The following SHROOM3 variants were observed in gnomAD, a reference collection of about 807,000 sequenced individuals.
SHROOM3 encodes the protein shroom family member 3, also known as protein Shroom3.
Under a neutral mutation model 138.6 loss-of-function variants are expected in SHROOM3, and 47 were observed. That is an observed-to-expected ratio of 0.34 (90% CI 0.27 to 0.43). The LOEUF (loss-of-function observed/expected upper bound fraction) is 0.43. Ranked by LOEUF, SHROOM3 falls within the 20% of genes least tolerant of loss-of-function variation. SHROOM3 has a pLI of 1.00. For synonymous variants in SHROOM3, 1,062 were observed against 1,063.3 expected (o/e 1.00, Z 0.02); for missense variants, 2,491 against 2,596.5 (o/e 0.96, Z 0.88).
At chr4:76,500,522 A>G (rs190923433) in intron 1 of SHROOM3, among the ~76,000 whole-genome samples, 3 of 152,258 alleles carry the variant, frequency 2.0e-5, no homozygotes, top group East Asian at 3.9e-4. Context: ...GCTTTAGTGG[A>G]TACTACCAAA....
intron 2 of SHROOM3, among the ~76,000 whole-genome samples, chr4:76,602,623 T>C (rs534968107): frequency 6.6e-6 from 1 of 152,342 alleles, no homozygotes; most frequent in East Asian, 1.9e-4. Flanking sequence ...TAGGTTGGTG[T>C]TAAATTGGAT....
intron 2 of SHROOM3, among the ~76,000 whole-genome samples, chr4:76,680,944 C>T (rs1402326281): frequency 6.6e-6 from 1 of 152,226 alleles, no homozygotes; most frequent in Non-Finnish European, 1.5e-5. Flanking sequence ...CAATATCCTC[C>T]CCATGCTGTC....
At chr4:76,771,035 G>A (rs183778807) in intron 10 of SHROOM3, 137 bp downstream of exon 10, 5 of 1,152,816 alleles carry the variant, frequency 4.3e-6, no homozygotes, top group African/African-American at 1.5e-5. Context: ...TACATGTATA[G>A]GTAACCAAGA....
At chr4:76,716,736 C>T (rs1186555898) in intron 3 of SHROOM3, among the ~76,000 whole-genome samples, 1 of 152,176 alleles carries the variant, frequency 6.6e-6, no homozygotes, top group Non-Finnish European at 1.5e-5. Flanking sequence ...GTGCTTTGTG[C>T]TGTGTACCTC....
chr4:76,754,377 T>G lies in SHROOM3; in HGVS notation c.3894T>G (p.Arg1298=). The change falls in exon 7 of 11, where the codon CGT becomes CGG. Residue 1298 remains arginine (R), a synonymous_variant. Transcript: ENST00000296043. ...MLPLFHHLTP[R]WGGSGCKAIG... is the part of the protein sequence containing the mutation. ...CGCTCTTCCACCATCTCACCCCTCGTTGGGGTGGTTCAGGCTGCAAAGCCA... is the reference window on the plus strand; with the variant it reads ...CGCTCTTCCACCATCTCACCCCTCGGTGGGGTGGTTCAGGCTGCAAAGCCA... 6.2e-7 allele frequency: 1 copy of G among 1,614,098 alleles called. No homozygotes were observed. Among genetic ancestry groups the G allele is most frequent in the Non-Finnish European group, 8.5e-7 (1 of 1,179,974 alleles).
At chr4:76,696,418 G>T (rs1050055581) in intron 2 of SHROOM3, among the ~76,000 whole-genome samples, 1 of 152,226 alleles carries the variant, frequency 6.6e-6, no homozygotes, top group Non-Finnish European at 1.5e-5. Context: ...GCCAGGTCTG[G>T]CTGGGGCGGA....
intron 2 of SHROOM3, among the ~76,000 whole-genome samples, chr4:76,675,975 A>G (rs533703133): frequency 2.0e-5 from 3 of 152,334 alleles, no homozygotes; most frequent in Non-Finnish European, 4.4e-5. Context: ...AGGGGACCCT[A>G]AAGTTATTCA....
intron 2 of SHROOM3, among the ~76,000 whole-genome samples, chr4:76,676,856 T>C (rs895654067): frequency 3.5e-5 from 5 of 142,976 alleles, no homozygotes; most frequent in East Asian, 2.1e-4. Context: ...GGCAGGAGAA[T>C]GGCGTGAACC....
chr4:76,772,315 G>T (rs1378500283), intron 10 of SHROOM3, among the ~76,000 whole-genome samples: 1 of 151,682 alleles, frequency 6.6e-6, no homozygotes, highest in African/African-American at 2.4e-5. Context: ...TATTGGCCAG[G>T]CTGGTCTCGA....
chr4:76,641,243 T>C (rs1320213405), intron 2 of SHROOM3, among the ~76,000 whole-genome samples: 1 of 152,204 alleles, frequency 6.6e-6, no homozygotes, highest in East Asian at 1.9e-4. Flanking sequence ...TATCATTCAG[T>C]GGATGGACAG....
rs1560607952 is a variant in SHROOM3, at chr4:76,739,834, C to T, written c.1661C>T (p.Pro554Leu). Residue 554 changes from proline to leucine, a missense_variant, in exon 5 of 11, where the codon CCC (proline) becomes CTC (leucine). Around this residue, in one of 4 missense-constraint regions of SHROOM3, gnomAD observed 1,733 missense variants for 1,661.6 expected, o/e 1.04. Coordinates refer to ENST00000296043, the MANE Select transcript of SHROOM3 (RefSeq NM_020859.4). Reference protein sequence around the residue: ...KKPEATAKYVPSKVHFCSVPE... With the variant: ...KKPEATAKYVLSKVHFCSVPE... ...CCAGAAGCTACAGCCAAGTATGTCC[C>T]CTCCAAAGTCCATTTCTGTTCAGTG... The T allele has an allele frequency of 6.2e-7, 1 of 1,614,168 alleles. No individual in the cohort carries two copies. The highest frequency in any genetic ancestry group is 2.2e-5 in the East Asian group (1 of 44,876).
At chr4:76,643,620 C>T (rs1560577465) in intron 2 of SHROOM3, among the ~76,000 whole-genome samples, 1 of 152,176 alleles carries the variant, frequency 6.6e-6, no homozygotes, top group African/African-American at 2.4e-5. Flanking sequence ...TACTCACACA[C>T]AGTTTAAGGT....
At chr4:76,639,581 G>A (rs900387280) in intron 2 of SHROOM3, 15 of 398,468 alleles carry the variant, frequency 3.8e-5, no homozygotes, top group South Asian at 1.3e-4. Context: ...AAGCAAGGGC[G>A]GCTGCCTGGC....
At chr4:76,477,611 C>T (rs1184073984) in intron 1 of SHROOM3, among the ~76,000 whole-genome samples, 2 of 151,870 alleles carry the variant, frequency 1.3e-5, no homozygotes, top group South Asian at 2.1e-4. Context: ...ATACATTTAC[C>T]TATAATTGCT....
At chr4:76,467,430 C>G (rs945632805) in intron 1 of SHROOM3, among the ~76,000 whole-genome samples, 9 of 152,052 alleles carry the variant, frequency 5.9e-5, no homozygotes, top group Non-Finnish European at 1.3e-4. Flanking sequence ...TTTGTGGTCC[C>G]TCTGGGATTC....
intron 2 of SHROOM3, among the ~76,000 whole-genome samples, chr4:76,680,622 C>T (rs530886042): frequency 1.5e-4 from 23 of 152,302 alleles, no homozygotes; most frequent in Admixed American, 3.9e-4. Context: ...ATTCAATAAG[C>T]ACTTCCTTTA....
chr4:76,711,774 T>A (rs1428131034), intron 3 of SHROOM3, among the ~76,000 whole-genome samples: 2 of 150,924 alleles, frequency 1.3e-5, no homozygotes, highest in Admixed American at 1.3e-4. Flanking sequence ...ATAAAAGAAA[T>A]AATGTTATAT....
chr4:76,474,126 T>C (rs754841294), intron 1 of SHROOM3, among the ~76,000 whole-genome samples: 12 of 152,226 alleles, frequency 7.9e-5, no homozygotes, highest in Admixed American at 1.3e-4. Context: ...AATGAAGTAC[T>C]GATTCATGCT....
intron 3 of SHROOM3, among the ~76,000 whole-genome samples, chr4:76,715,434 T>C (rs899542530): frequency 3.3e-5 from 5 of 152,290 alleles, no homozygotes; most frequent in Non-Finnish European, 5.9e-5. Flanking sequence ...GGAATTCTTA[T>C]GATCTAACTT....
Sources: allele counts gnomAD v4.1 joint callset (sites outside exome capture counted in the v4.1 genomes callset), GRCh38; gene constraint gnomAD v4.1.1; regional missense constraint gnomAD v4.1.1; transcripts MANE v1.5; gene names NCBI Gene and HGNC (gene_info 2026-07-23, HGNC 2026-07-21).